Variants in PCDHGA2 observed in about 807,000 individuals in gnomAD.
PCDHGA2 encodes protocadherin gamma-A2.
In PCDHGA2, 40 loss-of-function variants were observed where a neutral mutation model predicts 59.2. The ratio of observed to expected loss-of-function variants is 0.68; its 90% CI spans 0.52 to 0.88. PCDHGA2 has a LOEUF of 0.88. Ranked by LOEUF, PCDHGA2 falls within the 40% of genes least tolerant of loss-of-function variation. PCDHGA2 has a pLI of 0.00. For missense variants in PCDHGA2, 1,226 were observed against 1,204.0 expected, an observed-to-expected ratio of 1.02 and a Z score of -0.27; for synonymous variants, 560 against 526.0, an observed-to-expected ratio of 1.06 and a Z score of -0.89.
intron 1 of PCDHGA2, chr5:141,364,386 T>A (rs543592741): frequency 6.3e-7 from 1 of 1,592,172 alleles, no homozygotes; most frequent in South Asian, 1.1e-5. Context: ...CCCTTCATGC[T>A]CCTGGGGACG....
intron 1 of PCDHGA2, chr5:141,398,074 T>A: frequency 6.3e-7 from 1 of 1,590,802 alleles, no homozygotes; most frequent in Non-Finnish European, 8.6e-7. Context: ...ATACAGAGGT[T>A]ATTTGTAACC....
chr5:141,393,103 C>A lies in PCDHGA2; in HGVS notation c.2424+51708C>A, dbSNP rs776552182. On this transcript the variant is annotated intron_variant, in intron 1 of 3. Coordinates refer to ENST00000394576, the MANE Select transcript of PCDHGA2 (RefSeq NM_018915.4). ...AGGATAGATCGGGAGGAGCTCTGCGCTCAGAGCCCGCGGTGTCTGATAAAT... is the reference window on the plus strand; with the variant it reads ...AGGATAGATCGGGAGGAGCTCTGCGATCAGAGCCCGCGGTGTCTGATAAAT... The A allele has an allele frequency of 3.2e-5, 51 of 1,613,464 alleles. No homozygotes were observed. Among genetic ancestry groups the A allele is most frequent in the South Asian group, 1.5e-4 (14 of 91,088 alleles).
rs61612330 is a variant in PCDHGA2 at position 141,454,796 on chromosome 5, A to ATTTTTTTTT, written c.2425-39990_2425-39982dup. Among the ~76,000 whole-genome samples the ATTTTTTTTT allele has an allele frequency of 8.2e-3, 638 of 77,468 alleles. 91 individuals carry two copies. The highest frequency in any genetic ancestry group is 0.025 in the African/African-American group (426 of 16,886). 50.8% of individuals were successfully genotyped at this position (77,468 alleles called of 152,430 possible). On this transcript the variant is annotated intron_variant, in intron 1 of 3. Coordinates refer to ENST00000394576, the MANE Select transcript of PCDHGA2 (RefSeq NM_018915.4). ...AAGGAAATAATCCTCCATGGTTCTA[A>ATTTTTTTTT]TTTTTTTTTTTTTTTTTTTTTTTTT...
chr5:141,339,616 T>A lies in PCDHGA2; in HGVS notation c.645T>A (p.Ser215=). Residue 215 remains serine (S), a synonymous_variant, in exon 1 of 4, where the codon TCT becomes TCA. Transcript: ENST00000394576. ...EAVHHLVLVA[S]DGGDPVLSGT... ...TTCACCACCTCGTTCTCGTGGCTTC[T>A]GATGGGGGTGACCCAGTGCTATCTG... 1 of 1,614,216 alleles carries A rather than the reference T, an allele frequency of 6.2e-7. No homozygotes were observed. The highest frequency in any genetic ancestry group is 1.1e-5 in the South Asian group (1 of 91,076).
intron 3 of PCDHGA2, 126 bp downstream of exon 3, chr5:141,505,607 T>A: frequency 6.5e-7 from 1 of 1,528,684 alleles, no homozygotes. Flanking sequence ...TCGGCAGGTC[T>A]GAAAGGACCC....
chr5:141,465,251 A>T (rs1436627558), intron 1 of PCDHGA2, among the ~76,000 whole-genome samples: 1 of 152,214 alleles, frequency 6.6e-6, no homozygotes, highest in Non-Finnish European at 1.5e-5. Flanking sequence ...GCACTTTTGT[A>T]AGCAATGATA....
At chr5:141,496,236 C>T (rs1290509264) in intron 2 of PCDHGA2, among the ~76,000 whole-genome samples, 7 of 152,138 alleles carry the variant, frequency 4.6e-5, no homozygotes, top group Middle Eastern at 3.2e-3. Flanking sequence ...GAACCCCCTG[C>T]GGGCTGAAGG....
chr5:141,487,127 A>T lies in PCDHGA2; in HGVS notation c.2425-7680A>T. ...GGTCATTGTGGTAAAGGATAGTGGT[A>T]GTCCACCACTCTCTACCTCTGTTAC... On this transcript the variant is annotated intron_variant, in intron 1 of 3. Coordinates refer to ENST00000394576, the MANE Select transcript of PCDHGA2 (RefSeq NM_018915.4). The surrounding 1 kb of genome is among the most constrained non-coding windows in gnomAD (Gnocchi z 5.0). 6.2e-7 allele frequency: 1 copy of T among 1,613,334 alleles called. No individual in the cohort carries two copies. Among genetic ancestry groups the T allele is most frequent in the Admixed American group, 1.7e-5 (1 of 60,026 alleles).
intron 1 of PCDHGA2, chr5:141,361,874 G>T: frequency 6.2e-7 from 1 of 1,611,062 alleles, no homozygotes; most frequent in Non-Finnish European, 8.5e-7. Context: ...ATGGTGCCAC[G>T]CGCCGCAGAG....
chr5:141,360,997 G>A (rs766404886), intron 1 of PCDHGA2: 2 of 1,613,426 alleles, frequency 1.2e-6, no homozygotes, highest in Non-Finnish European at 1.7e-6. Context: ...GGACGAACAA[G>A]TGAAACACTT....
At chr5:141,360,654 T>A (rs764068570) in intron 1 of PCDHGA2, 3 of 1,614,006 alleles carry the variant, frequency 1.9e-6, no homozygotes, top group Non-Finnish European at 2.5e-6. Flanking sequence ...ACCACCTTAA[T>A]GACAACGAGT....
intron 1 of PCDHGA2, chr5:141,422,075 G>A (rs1192481253): frequency 1.9e-6 from 3 of 1,612,092 alleles, no homozygotes; most frequent in East Asian, 2.2e-5. Flanking sequence ...TATTCATTTC[G>A]GAACATGGAA....
At chr5:141,421,320 G>C (rs1561793188) in intron 1 of PCDHGA2, 1 of 1,613,904 alleles carries the variant, frequency 6.2e-7, no homozygotes, top group East Asian at 2.2e-5. Flanking sequence ...GGGCCAGGCA[G>C]ATCCGATATT....
intron 1 of PCDHGA2, chr5:141,374,217 T>C (rs771956915): frequency 5.6e-6 from 9 of 1,613,862 alleles, no homozygotes; most frequent in Non-Finnish European, 6.8e-6. Context: ...GGCTCCTTCG[T>C]AGGCAACATC....
chr5:141,405,108 G>A, intron 1 of PCDHGA2: 1 of 1,613,960 alleles, frequency 6.2e-7, no homozygotes, highest in Non-Finnish European at 8.5e-7. Flanking sequence ...CTGAGGCACT[G>A]GCACTCCTCG....
intron 1 of PCDHGA2, chr5:141,408,489 G>A: frequency 6.2e-7 from 1 of 1,614,076 alleles, no homozygotes; most frequent in Non-Finnish European, 8.5e-7. Flanking sequence ...GAGCAAATAT[G>A]CAAAGAGAGA....
At chr5:141,422,415 A>C (rs1330043187) in intron 1 of PCDHGA2, 1 of 1,604,786 alleles carries the variant, frequency 6.2e-7, no homozygotes, top group Admixed American at 1.7e-5. Flanking sequence ...TTAAATTAGA[A>C]AAGACTTATG....
At chr5:141,383,932 C>G in intron 1 of PCDHGA2, 3 of 1,613,794 alleles carry the variant, frequency 1.9e-6, no homozygotes, top group Non-Finnish European at 2.5e-6. Flanking sequence ...TGATAATGCT[C>G]CAGAAGTGAC....
intron 1 of PCDHGA2, chr5:141,404,899 T>C (rs768489392): frequency 6.2e-7 from 1 of 1,613,718 alleles, no homozygotes; most frequent in East Asian, 2.2e-5. Flanking sequence ...TACAGGACCA[T>C]GGCCAGCCCC....
Sources: allele counts gnomAD v4.1 joint callset (sites outside exome capture counted in the v4.1 genomes callset), GRCh38; gene constraint gnomAD v4.1.1; non-coding constraint Gnocchi (gnomAD v3.1); transcripts MANE v1.5; gene names NCBI Gene and HGNC (gene_info 2026-07-23, HGNC 2026-07-21).